The following RBFOX1 variants were observed in gnomAD, a reference collection of about 807,000 sequenced individuals.
RBFOX1 encodes the protein RNA binding protein fox-1 homolog 1.
RBFOX1 carries 8 observed loss-of-function variants against 57.7 expected under a neutral mutation model. That is an observed-to-expected ratio of 0.14 (90% CI 0.08 to 0.25). The LOEUF (loss-of-function observed/expected upper bound fraction) is 0.25, where lower values mean the gene tolerates loss of function less well. Among genes scored for constraint, RBFOX1 ranks in the 10% least tolerant of loss-of-function variants. RBFOX1 has a pLI of 1.00. For missense variants in RBFOX1, 611 were observed against 548.5 expected (o/e 1.11, Z -1.14); for synonymous variants, 326 against 222.4 (o/e 1.47, Z -4.15).
intron 2 of RBFOX1, among the ~76,000 whole-genome samples, chr16:5,490,222 G>T (rs1431496216): frequency 6.6e-6 from 1 of 152,230 alleles, no homozygotes; most frequent in Non-Finnish European, 1.5e-5. Flanking sequence ...GTTCATTTTG[G>T]GAAGGGCTAC....
chr16:6,317,574 G>T (rs1037459572), intron 2 of RBFOX1, among the ~76,000 whole-genome samples: 1 of 152,072 alleles, frequency 6.6e-6, no homozygotes, highest in Non-Finnish European at 1.5e-5. Context: ...ACTTTAAGAT[G>T]CTGGGGTACA....
At chr16:5,399,950 A>G (rs2066666843) in intron 1 of RBFOX1, among the ~76,000 whole-genome samples, 1 of 152,048 alleles carries the variant, frequency 6.6e-6, no homozygotes, top group Admixed American at 6.6e-5. Flanking sequence ...ACCCAAGCCA[A>G]AACTTTTTCC....
chr16:6,236,014 A>G (rs1393703590), intron 1 of RBFOX1, among the ~76,000 whole-genome samples: 1 of 152,250 alleles, frequency 6.6e-6, no homozygotes, highest in Non-Finnish European at 1.5e-5. Context: ...AATAAAAAAA[A>G]TTCAAAAAAT....
intron 2 of RBFOX1, among the ~76,000 whole-genome samples, chr16:6,454,191 A>T (rs564605182): frequency 7.2e-5 from 11 of 152,260 alleles, no homozygotes; most frequent in Admixed American, 2.6e-4. Context: ...TCTGATGTAC[A>T]GGGGGTTAAG....
At chr16:5,262,462 C>T (rs1430318249) in intron 1 of RBFOX1, among the ~76,000 whole-genome samples, 1 of 152,196 alleles carries the variant, frequency 6.6e-6, no homozygotes, top group Non-Finnish European at 1.5e-5. Context: ...TATATTTGAG[C>T]TGGGACATCA....
intron 2 of RBFOX1, among the ~76,000 whole-genome samples, chr16:6,424,458 A>G (rs1290064541): frequency 1.3e-5 from 2 of 152,160 alleles, no homozygotes; most frequent in Non-Finnish European, 2.9e-5. Flanking sequence ...ATGTATGGAA[A>G]CATTTCTAAA....
At chr16:6,162,743 C>T (rs533041959) in intron 1 of RBFOX1, among the ~76,000 whole-genome samples, 3 of 151,972 alleles carry the variant, frequency 2.0e-5, no homozygotes, top group East Asian at 2.0e-4. Flanking sequence ...TTTGTGTGTG[C>T]GTGTGTTTGA....
At chr16:6,819,468 C>A (rs1238154253) in intron 3 of RBFOX1, among the ~76,000 whole-genome samples, 1 of 152,104 alleles carries the variant, frequency 6.6e-6, no homozygotes, top group South Asian at 2.1e-4. Flanking sequence ...CTTAGGGAGG[C>A]CCAGGCGGGC....
chr16:6,368,277 G>T (rs1238840515), intron 2 of RBFOX1, among the ~76,000 whole-genome samples: 1 of 152,158 alleles, frequency 6.6e-6, no homozygotes, highest in African/African-American at 2.4e-5. Flanking sequence ...GAAAAATGGT[G>T]CTGGGACCAC....
intron 11 of RBFOX1, among the ~76,000 whole-genome samples, chr16:7,650,207 A>C (rs1424336828): frequency 6.6e-6 from 1 of 152,162 alleles, no homozygotes. Flanking sequence ...CCAGCCCTAG[A>C]TTAACAAGAA....
intron 3 of RBFOX1, among the ~76,000 whole-genome samples, chr16:7,048,334 A>G (rs542246751): frequency 2.0e-5 from 3 of 152,198 alleles, no homozygotes; most frequent in African/African-American, 7.2e-5. Flanking sequence ...ATCTTGGCTC[A>G]CTGCAACCTC....
intron 3 of RBFOX1, among the ~76,000 whole-genome samples, chr16:5,780,002 CTAT>C (rs1204549596): frequency 6.6e-6 from 1 of 152,138 alleles, no homozygotes; most frequent in Non-Finnish European, 1.5e-5. Context: ...AGCATGTTTG[CTAT>C]TATTATTGTT....
chr16:6,809,680 C>A (rs1298073158), intron 3 of RBFOX1, among the ~76,000 whole-genome samples: 2 of 152,126 alleles, frequency 1.3e-5, no homozygotes, highest in South Asian at 2.1e-4. Flanking sequence ...AGGTGAGATA[C>A]GTAGAGCTGC....
chr16:7,034,835 TTTTTTCTTTTTTC>T lies in RBFOX1; in HGVS notation c.-15-17216_-15-17204del, dbSNP rs1320587183. Among the ~76,000 whole-genome samples, 660 of 85,958 alleles carry T rather than the reference TTTTTTCTTTTTTC, an allele frequency of 7.7e-3. 16 individuals are homozygous for T. The highest frequency in any genetic ancestry group is 0.011 in the Non-Finnish European group (536 of 47,404). The allele number at this position is 85,958 out of a possible 152,430, so 56.4% of individuals were successfully genotyped here. Reference sequence around the variant, plus strand: ...TCTAAGATATTGCATTACTTTTTTTTTTTTTCTTTTTTCTTTTTTTTTTTTTTTTTTGAGATGG... The same window carrying T: ...TCTAAGATATTGCATTACTTTTTTTTTTTTTTTTTTTTTTTTTTGAGATGG... On this transcript the variant is annotated intron_variant, in intron 3 of 15. Coordinates refer to ENST00000550418, the MANE Select transcript of RBFOX1 (RefSeq NM_018723.4).
chr16:5,287,454 A>T (rs1461119229), intron 1 of RBFOX1, among the ~76,000 whole-genome samples: 2 of 152,372 alleles, frequency 1.3e-5, no homozygotes, highest in Middle Eastern at 3.4e-3. Flanking sequence ...GCTATTAAAA[A>T]TTGGTTAAAA....
At chr16:6,349,931 G>A (rs1221191887) in intron 2 of RBFOX1, among the ~76,000 whole-genome samples, 7 of 152,160 alleles carry the variant, frequency 4.6e-5, no homozygotes, top group Non-Finnish European at 8.8e-5. Flanking sequence ...GGGGGGCAGT[G>A]GTGAGCTTAA....
chr16:7,133,529 A>G (rs925466191), intron 4 of RBFOX1, among the ~76,000 whole-genome samples: 2 of 152,214 alleles, frequency 1.3e-5, no homozygotes, highest in African/African-American at 4.8e-5. Flanking sequence ...CAATGACAAG[A>G]CAAGGAGAAG....
chr16:6,428,505 C>T (rs917979961), intron 2 of RBFOX1, among the ~76,000 whole-genome samples: 1 of 152,022 alleles, frequency 6.6e-6, no homozygotes, highest in African/African-American at 2.4e-5. Flanking sequence ...AAGGAAGTAA[C>T]TTGTGCTTTC....
chr16:6,734,134 T>C (rs930031707), intron 3 of RBFOX1, among the ~76,000 whole-genome samples: 2 of 152,202 alleles, frequency 1.3e-5, no homozygotes, highest in African/African-American at 4.8e-5. Flanking sequence ...GCCAGAATTA[T>C]ACAGGGTTCA....
Sources: gnomAD v4.1 joint callset for allele counts (sites outside exome capture counted in the v4.1 genomes callset) on GRCh38, gnomAD v4.1.1 for gene constraint, MANE v1.5 for transcripts, NCBI Gene and HGNC (gene_info 2026-07-23, HGNC 2026-07-21) for gene names.